ZBTB2: variants seen among roughly 807,000 people sequenced by gnomAD.
The protein encoded by ZBTB2 is zinc finger and BTB domain containing 2.
ZBTB2 carries 2 observed loss-of-function variants against 39.5 expected under a neutral mutation model. The ratio of observed to expected loss-of-function variants is 0.05; its 90% CI spans 0.02 to 0.16. ZBTB2 has a LOEUF of 0.16. Ranked by LOEUF, ZBTB2 falls within the 10% of genes least tolerant of loss-of-function variation. ZBTB2 has a pLI of 1.00. For synonymous variants in ZBTB2, 251 were observed against 256.6 expected (o/e 0.98, Z 0.21); for missense variants, 391 against 653.0 (o/e 0.60, Z 4.37).
chr6:151,364,549 G>A lies in ZBTB2; in HGVS notation c.*972C>T, dbSNP rs1778602659. 1 of 152,186 alleles carries A rather than the reference G, an allele frequency of 6.6e-6. No individual in the cohort carries two copies. Among genetic ancestry groups the A allele is most frequent in the Admixed American group, 6.5e-5 (1 of 15,284 alleles). The allele number at this position is 152,186 out of a possible 1,614,324, so 9.4% of individuals were successfully genotyped here. A position where few individuals can be genotyped will look rare whatever the true frequency, so the allele number is the denominator to read the frequency against. ...CTATCAGCATTGACTTTCAGTCATTGAAGTTACTACATCTTCTGGTCACAA... is the reference window on the plus strand; with the variant it reads ...CTATCAGCATTGACTTTCAGTCATTAAAGTTACTACATCTTCTGGTCACAA... On this transcript the variant is annotated 3_prime_UTR_variant, in exon 3 of 3. Transcript: ENST00000325144.
chr6:151,387,034 T>C (rs1204953738), intron 1 of ZBTB2, among the ~76,000 whole-genome samples: 1 of 152,214 alleles, frequency 6.6e-6, no homozygotes, highest in Non-Finnish European at 1.5e-5. Flanking sequence ...ATTAACTCTG[T>C]TTTGGTTGAG....
Position 151,373,479 on chromosome 6 carries a change from A to G in ZBTB2, c.159T>C (p.Phe53=). The G allele has an allele frequency of 1.2e-6, 2 of 1,614,180 alleles. No individual in the cohort carries two copies. Among genetic ancestry groups the G allele is most frequent in the Non-Finnish European group, 1.7e-6 (2 of 1,180,028 alleles). Residue 53 remains phenylalanine (F), a synonymous_variant, in exon 2 of 3, where the codon TTT becomes TTC. Transcript: ENST00000325144. ...ASFSNYFKML[F]VHQTSECVRL... ...ACTTTAGTTACCTGGTCTGATGGAC[A>G]AACAACATCTTAAAGTAATTGGAGA...
At chr6:151,388,536 T>G (rs886447678) in intron 1 of ZBTB2, among the ~76,000 whole-genome samples, 3 of 152,212 alleles carry the variant, frequency 2.0e-5, no homozygotes, top group African/African-American at 7.2e-5. Context: ...GAATACATTT[T>G]CTTTTCTTTT....
chr6:151,370,262 A>G (rs1167943741), intron 2 of ZBTB2: 1 of 165,486 alleles, frequency 6.0e-6, no homozygotes, highest in Non-Finnish European at 1.2e-5. Flanking sequence ...CAGTCTCCCG[A>G]GTAGCTGGGA....
At chr6:151,376,257 GA>G (rs1385949799) in intron 1 of ZBTB2, among the ~76,000 whole-genome samples, 1 of 152,108 alleles carries the variant, frequency 6.6e-6, no homozygotes, top group Non-Finnish European at 1.5e-5. Flanking sequence ...AAAAAAGTAA[GA>G]AAATCTAAAA....
At chr6:151,377,650 CCG>C (rs1167953973) in intron 1 of ZBTB2, among the ~76,000 whole-genome samples, 1 of 151,374 alleles carries the variant, frequency 6.6e-6, no homozygotes, top group African/African-American at 2.4e-5. Context: ...AGCGATTCTC[CCG>C]CCTCAGCCTC....
intron 1 of ZBTB2, among the ~76,000 whole-genome samples, chr6:151,387,437 A>G (rs1246696557): frequency 6.6e-6 from 1 of 152,226 alleles, no homozygotes. Flanking sequence ...ACTTCATTGA[A>G]TCCTGAAAGG....
intron 1 of ZBTB2, among the ~76,000 whole-genome samples, chr6:151,387,816 G>A (rs1223485639): frequency 3.3e-5 from 5 of 152,140 alleles, no homozygotes; most frequent in Admixed American, 3.3e-4. Context: ...ATAAATATGA[G>A]CCTCCAAGTT....
At chr6:151,389,424 T>C (rs183004969) in intron 1 of ZBTB2, among the ~76,000 whole-genome samples, 90 of 152,274 alleles carry the variant, frequency 5.9e-4, no homozygotes, top group Non-Finnish European at 3.5e-4. Context: ...ACAGTCCCAA[T>C]TCTCTATTAA....
At chr6:151,382,493 G>C (rs1187767094) in intron 1 of ZBTB2, among the ~76,000 whole-genome samples, 1 of 150,858 alleles carries the variant, frequency 6.6e-6, no homozygotes, top group East Asian at 1.9e-4. Context: ...GACCTCAGAT[G>C]ATCCACCCGC....
intron 1 of ZBTB2, among the ~76,000 whole-genome samples, chr6:151,386,480 G>C (rs1437983026): frequency 2.0e-5 from 3 of 152,192 alleles, no homozygotes; most frequent in Non-Finnish European, 4.4e-5. Context: ...GCTGCTGTGA[G>C]CCATGGTCAT....
At position 151,382,207 on chromosome 6, in the gene ZBTB2, T is replaced by C. The variant is rs1252502039; in HGVS notation, c.-12-8558A>G. ...CCATTGTTGTACATGTGGTCTTTCA[T>C]TCACTGAAATCTTATTATGGGTACA... On this transcript the variant is annotated intron_variant, in intron 1 of 2. Coordinates refer to ENST00000325144, the MANE Select transcript of ZBTB2 (RefSeq NM_020861.3). Among the ~76,000 whole-genome samples, 4 of 152,366 alleles carry C rather than the reference T, an allele frequency of 2.6e-5. No homozygotes were observed. In the East Asian group the frequency reaches 7.7e-4, roughly 29 times the overall value.
In ZBTB2 at chr6:151,366,147, T is replaced by C. The variant is rs915408261; in HGVS notation, c.919A>G (p.Met307Val). 3.1e-6 allele frequency: 5 copies of C among 1,614,136 alleles called. No individual in the cohort carries two copies. The highest frequency in any genetic ancestry group is 3.3e-5 in the Admixed American group (2 of 60,016). Reference protein sequence around the residue: ...SNAADLGKDAMEVPEAGMISD... With the variant: ...SNAADLGKDAVEVPEAGMISD... The stretch of plus-strand genomic sequence containing the variant: ...ATCATCCCGGCTTCAGGCACTTCCA[T>C]GGCATCTTTCCCGAGGTCAGCTGCA... The change falls in exon 3 of 3, where the codon ATG (methionine) becomes GTG (valine). Residue 307 changes from methionine to valine, a missense_variant. By Grantham distance (21) the Met-to-Val change is conservative. Coordinates refer to ENST00000325144, the MANE Select transcript of ZBTB2 (RefSeq NM_020861.3). The surrounding 1 kb of genome is among the most constrained non-coding windows in gnomAD (Gnocchi z 7.1).
At position 151,365,816 on chromosome 6, in the gene ZBTB2, G is replaced by A. The variant is rs1447606573; in HGVS notation, c.1250C>T (p.Thr417Ile). ...AGTCTGTTTGTCCACCATGGTGTAA[G>A]TGTCGATGCTCTGGTTGAGGCACAC... ...RHVCLNQSID[T>I]YTMVDKQTLE... The change falls in exon 3 of 3, where the codon ACT (threonine) becomes ATT (isoleucine). Residue 417 changes from threonine to isoleucine, a missense_variant. By Grantham distance (89) the Thr-to-Ile change is moderately conservative. Coordinates refer to ENST00000325144, the MANE Select transcript of ZBTB2 (RefSeq NM_020861.3). This position sits in a 1 kb window ranked among gnomAD's most constrained non-coding sequence, Gnocchi z 5.6. The A allele has an allele frequency of 6.2e-7, 1 of 1,614,244 alleles. No individual in the cohort carries two copies.
chr6:151,375,915 A>G (rs1192503115), intron 1 of ZBTB2, among the ~76,000 whole-genome samples: 5 of 152,182 alleles, frequency 3.3e-5, no homozygotes, highest in African/African-American at 9.7e-5. Flanking sequence ...AAACCAGTCT[A>G]CCCAATTTCA....
chr6:151,384,561 CAA>C (rs1175302938), intron 1 of ZBTB2, among the ~76,000 whole-genome samples: 2 of 152,170 alleles, frequency 1.3e-5, no homozygotes, highest in African/African-American at 2.4e-5. Flanking sequence ...TGGAGCAGAT[CAA>C]AGTGTCCAAG....
chr6:151,391,260 GC>G (rs1199048387), intron 1 of ZBTB2, among the ~76,000 whole-genome samples, 159 bp downstream of exon 1: 1 of 151,840 alleles, frequency 6.6e-6, no homozygotes, highest in Non-Finnish European at 1.5e-5. Flanking sequence ...TGCACCCGTA[GC>G]CCTGGTACGA....
Position 151,365,462 on chromosome 6 carries a change from G to A in ZBTB2, c.*59C>T, listed in dbSNP as rs62441542. 0.02 allele frequency: 30,671 copies of A among 1,529,798 alleles called. 441 individuals carry two copies. The highest frequency in any genetic ancestry group is 0.022 in the Non-Finnish European group (24,896 of 1,138,088). The allele number at this position is 1,529,798 out of a possible 1,614,324, so 94.8% of individuals were successfully genotyped here. On this transcript the variant is annotated 3_prime_UTR_variant, in exon 3 of 3. Coordinates refer to ENST00000325144, the MANE Select transcript of ZBTB2 (RefSeq NM_020861.3). This position sits in a 1 kb window ranked among gnomAD's most constrained non-coding sequence, Gnocchi z 5.6. ...TGGAGAACTACAGTTCTGAATTCAG[G>A]GAAGGGAGGGAAGATAGTCTTTGTA...
intron 1 of ZBTB2, among the ~76,000 whole-genome samples, chr6:151,378,863 T>C (rs1044314873): frequency 1.3e-5 from 2 of 152,230 alleles, no homozygotes; most frequent in African/African-American, 4.8e-5. Context: ...ATCATTTACA[T>C]ATGCTATTAA....
Sources: gnomAD v4.1 joint callset for allele counts (sites outside exome capture counted in the v4.1 genomes callset) on GRCh38, gnomAD v4.1.1 for gene constraint, Gnocchi (gnomAD v3.1) non-coding constraint, MANE v1.5 for transcripts, NCBI Gene and HGNC (gene_info 2026-07-23, HGNC 2026-07-21) for gene names.